CHRM3: variants seen among roughly 807,000 people sequenced by gnomAD.
The protein encoded by CHRM3 is cholinergic receptor muscarinic 3.
Under a neutral mutation model 41.8 loss-of-function variants are expected in CHRM3, and 11 were observed. The observed-to-expected ratio is 0.26, with a 90% CI of 0.17 to 0.44. The LOEUF (loss-of-function observed/expected upper bound fraction) is 0.44, where lower values mean the gene tolerates loss of function less well. Ranked by LOEUF, CHRM3 falls within the 20% of genes least tolerant of loss-of-function variation. CHRM3 has a pLI of 1.00. For missense variants in CHRM3, 571 were observed against 745.4 expected, an observed-to-expected ratio of 0.77 and a Z score of 2.72; for synonymous variants, 297 against 301.4, an observed-to-expected ratio of 0.99 and a Z score of 0.15.
At chr1:239,428,814 T>C (rs979234861) in intron 1 of CHRM3, among the ~76,000 whole-genome samples, 3 of 152,246 alleles carry the variant, frequency 2.0e-5, no homozygotes, top group Non-Finnish European at 4.4e-5. Flanking sequence ...TTTATGTGTA[T>C]TTTAAAAATA....
At chr1:239,430,372 A>G (rs956226986) in intron 1 of CHRM3, among the ~76,000 whole-genome samples, 1 of 152,192 alleles carries the variant, frequency 6.6e-6, no homozygotes, top group African/African-American at 2.4e-5. Flanking sequence ...TTAACTAAAT[A>G]GATGCCCAAA....
chr1:239,643,395 C>T (rs1214507599), intron 4 of CHRM3, among the ~76,000 whole-genome samples: 2 of 152,198 alleles, frequency 1.3e-5, no homozygotes, highest in African/African-American at 4.8e-5. Flanking sequence ...GGCAGGCAGG[C>T]CTCCTTGAGC....
chr1:239,533,501 C>T lies in CHRM3; in HGVS notation c.-421-12140C>T, dbSNP rs140203910. On this transcript the variant is annotated intron_variant, in intron 2 of 6. Coordinates refer to ENST00000676153, the MANE Select transcript of CHRM3 (RefSeq NM_001375978.1). The stretch of plus-strand genomic sequence containing the variant: ...CTATTATCCCAGCGCTTTGGGAGGC[C>T]GAGATGGGTGGATCATCTAAGGTCA... Among the ~76,000 whole-genome samples the T allele has an allele frequency of 1.0e-2, 1,510 of 151,172 alleles. 24 individuals are homozygous for T. Among genetic ancestry groups the T allele is most frequent in the South Asian group, 0.037 (178 of 4,754 alleles).
At chr1:239,646,570 T>A (rs1331646170) in intron 4 of CHRM3, among the ~76,000 whole-genome samples, 1 of 152,160 alleles carries the variant, frequency 6.6e-6, no homozygotes, top group East Asian at 1.9e-4. Flanking sequence ...GAGATACCCT[T>A]CTATAAGAAG....
intron 5 of CHRM3, among the ~76,000 whole-genome samples, chr1:239,690,527 C>T (rs1282448343): frequency 6.6e-6 from 1 of 151,978 alleles, no homozygotes; most frequent in Non-Finnish European, 1.5e-5. Flanking sequence ...CTGCACCCGG[C>T]CCTGAAATTT....
chr1:239,786,353 G>A (rs1668893121), intron 5 of CHRM3, among the ~76,000 whole-genome samples: 2 of 152,084 alleles, frequency 1.3e-5, no homozygotes, highest in African/African-American at 4.8e-5. Flanking sequence ...CTGTGTGCCA[G>A]GCACCATTCT....
intron 1 of CHRM3, among the ~76,000 whole-genome samples, chr1:239,403,976 G>GGAGAGAGAGAGAGAGA (rs531556599): frequency 0.041 from 1,917 of 46,488 alleles, 286 homozygotes; most frequent in Non-Finnish European, 0.055. Flanking sequence ...AGAGGGAGGG[G>GGAGAGAGAGAGAGAGA]GAGAGAGAGA....
chr1:239,669,915 C>A (rs1033064334), intron 4 of CHRM3, among the ~76,000 whole-genome samples: 12 of 152,118 alleles, frequency 7.9e-5, no homozygotes, highest in African/African-American at 2.9e-4. Context: ...GCCCTCCTTT[C>A]CCACAAATGC....
At chr1:239,525,605 A>G (rs563805594) in intron 2 of CHRM3, among the ~76,000 whole-genome samples, 1 of 152,298 alleles carries the variant, frequency 6.6e-6, no homozygotes, top group Admixed American at 6.5e-5. Flanking sequence ...TTTAGAGAAA[A>G]TAAATGAATG....
At chr1:239,807,839 C>T (rs998280273) in intron 5 of CHRM3, among the ~76,000 whole-genome samples, 1 of 151,256 alleles carries the variant, frequency 6.6e-6, no homozygotes, top group Non-Finnish European at 1.5e-5. Flanking sequence ...CACACACACA[C>T]ACACACATAC....
At chr1:239,684,546 A>T (rs1289204021) in intron 5 of CHRM3, among the ~76,000 whole-genome samples, 1 of 151,500 alleles carries the variant, frequency 6.6e-6, no homozygotes, top group Admixed American at 6.6e-5. Flanking sequence ...AATGCAAAAA[A>T]ATTAGCCGGG....
chr1:239,891,375 A>G (rs948616738), intron 6 of CHRM3, among the ~76,000 whole-genome samples: 2 of 152,012 alleles, frequency 1.3e-5, no homozygotes, highest in African/African-American at 4.8e-5. Flanking sequence ...AAATCTTTCC[A>G]TTTGCATTGC....
In CHRM3 at chr1:239,595,626, A is replaced by G. The variant is rs1340576273; in HGVS notation, c.-312-36598A>G. On this transcript the variant is annotated intron_variant, in intron 3 of 6. Transcript: ENST00000676153. ...TTATCCAATTTGCCAAGCCTGTGAG[A>G]TTTGTAAGTAATCTTGGGACAATAT... Among the ~76,000 whole-genome samples the G allele has an allele frequency of 3.3e-5, 5 of 152,142 alleles. No homozygotes were observed. In the East Asian group the frequency reaches 9.6e-4, roughly 29 times the overall value.
chr1:239,761,903 T>C (rs967012549), intron 5 of CHRM3, among the ~76,000 whole-genome samples: 7 of 152,192 alleles, frequency 4.6e-5, no homozygotes, highest in Non-Finnish European at 1.0e-4. Flanking sequence ...CTCCTGGAAT[T>C]CCCAATTCAG....
intron 5 of CHRM3, among the ~76,000 whole-genome samples, chr1:239,744,632 G>A (rs1409771244): frequency 2.6e-5 from 4 of 152,194 alleles, no homozygotes; most frequent in Non-Finnish European, 4.4e-5. Context: ...CTGGGAAGAC[G>A]AGAGGACAGG....
At chr1:239,535,766 C>G (rs1278926028) in intron 2 of CHRM3, among the ~76,000 whole-genome samples, 2 of 151,948 alleles carry the variant, frequency 1.3e-5, no homozygotes, top group African/African-American at 2.4e-5. Flanking sequence ...TCCCTAGGAT[C>G]AAGGAGACAA....
At chr1:239,716,975 A>T (rs892632919) in intron 5 of CHRM3, among the ~76,000 whole-genome samples, 2 of 152,028 alleles carry the variant, frequency 1.3e-5, no homozygotes, top group Non-Finnish European at 2.9e-5. Flanking sequence ...TAGTTATGAG[A>T]TGACATATTA....
intron 2 of CHRM3, among the ~76,000 whole-genome samples, chr1:239,529,017 T>C (rs921146044): frequency 3.3e-5 from 5 of 152,236 alleles, no homozygotes; most frequent in African/African-American, 1.2e-4. Flanking sequence ...GAGCCATCTA[T>C]ACCTGTTAGA....
At chr1:239,739,669 AT>A (rs914343799) in intron 5 of CHRM3, among the ~76,000 whole-genome samples, 14 of 149,774 alleles carry the variant, frequency 9.3e-5, no homozygotes, top group Admixed American at 1.3e-4. Flanking sequence ...ATGCTGGAGG[AT>A]TTTTTTTTTA....
Sources: gnomAD v4.1 joint callset for allele counts (sites outside exome capture counted in the v4.1 genomes callset) on GRCh38, gnomAD v4.1.1 for gene constraint, MANE v1.5 for transcripts, NCBI Gene and HGNC (gene_info 2026-07-23, HGNC 2026-07-21) for gene names.